The following CCSER1 variants were observed in gnomAD, a reference collection of about 807,000 sequenced individuals.
The protein encoded by CCSER1 is coiled-coil serine rich protein 1.
Under a neutral mutation model 82.0 loss-of-function variants are expected in CCSER1, and 41 were observed. The ratio of observed to expected loss-of-function variants is 0.50; its 90% CI spans 0.39 to 0.65. CCSER1 has a LOEUF of 0.65. Ranked by LOEUF, CCSER1 falls within the 30% of genes least tolerant of loss-of-function variation. The pLI is 0.00. For missense variants in CCSER1, 1,119 were observed against 1,064.2 expected (o/e 1.05, Z -0.72); for synonymous variants, 414 against 383.9 (o/e 1.08, Z -0.92).
chr4:91,194,877 AG>A (rs1735282848), intron 10 of CCSER1, among the ~76,000 whole-genome samples: 1 of 152,196 alleles, frequency 6.6e-6, no homozygotes, highest in East Asian at 1.9e-4. Flanking sequence ...TCTTTAACAG[AG>A]GAAAATCTTT....
At chr4:90,303,200 G>A (rs190827405) in intron 1 of CCSER1, among the ~76,000 whole-genome samples, 3 of 152,270 alleles carry the variant, frequency 2.0e-5, no homozygotes, top group African/African-American at 7.2e-5. Context: ...TAGATTATTT[G>A]TGCCCAGTGG....
At position 90,542,168 on chromosome 4, in the gene CCSER1, T is replaced by A. The variant is rs557383146; in HGVS notation, c.1724+73814T>A. Among the ~76,000 whole-genome samples, 10 of 152,128 alleles carry A rather than the reference T, an allele frequency of 6.6e-5. No homozygotes were observed. In the East Asian group the frequency reaches 1.7e-3, roughly 26 times the overall value. ...AAATTCAGATTAAAAAGCAAAAAAA[T>A]TTAAAAGCCTTTTGATGGGGAGTAC... On this transcript the variant is annotated intron_variant, in intron 5 of 10. Coordinates refer to ENST00000509176, the MANE Select transcript of CCSER1 (RefSeq NM_001145065.2).
At chr4:90,172,764 A>T (rs1406265696) in intron 1 of CCSER1, among the ~76,000 whole-genome samples, 1 of 151,870 alleles carries the variant, frequency 6.6e-6, no homozygotes, top group African/African-American at 2.4e-5. Context: ...CTTGAAAGTC[A>T]TGCGTACTAG....
intron 9 of CCSER1, among the ~76,000 whole-genome samples, chr4:90,995,754 AC>A (rs1737439215): frequency 6.6e-6 from 1 of 152,084 alleles, no homozygotes; most frequent in South Asian, 2.1e-4. Context: ...CCAAATTAAA[AC>A]TATATGCTTT....
chr4:90,310,917 C>T (rs914232321), intron 2 of CCSER1, among the ~76,000 whole-genome samples: 4 of 152,004 alleles, frequency 2.6e-5, no homozygotes, highest in African/African-American at 4.8e-5. Flanking sequence ...CTTTTATGCA[C>T]GTGACCATGT....
Position 91,536,518 on chromosome 4 carries a change from C to T in CCSER1, c.2218-62054C>T, listed in dbSNP as rs557822643. Among the ~76,000 whole-genome samples, 12 of 152,140 alleles carry T rather than the reference C, an allele frequency of 7.9e-5. No individual in the cohort carries two copies. The South Asian group carries it at 1.2e-3, about 16-fold the overall frequency. On this transcript the variant is annotated intron_variant, in intron 10 of 10. Coordinates refer to ENST00000509176, the MANE Select transcript of CCSER1 (RefSeq NM_001145065.2). ...AATTATATTGACTGATAAATGAACT[C>T]CCTTCCCCTCCAACTTCTAATTGAT...
chr4:90,695,160 C>T (rs1045656043), intron 6 of CCSER1, among the ~76,000 whole-genome samples: 1 of 150,964 alleles, frequency 6.6e-6, no homozygotes, highest in Admixed American at 6.6e-5. Flanking sequence ...CATGGAAAAA[C>T]AAATTAAAAT....
intron 10 of CCSER1, among the ~76,000 whole-genome samples, chr4:91,196,970 A>T (rs1735490082): frequency 6.6e-6 from 1 of 152,230 alleles, no homozygotes; most frequent in Non-Finnish European, 1.5e-5. Flanking sequence ...CAAAAGAGAA[A>T]TCTACTCCTA....
At chr4:90,420,481 A>G (rs892255895) in intron 4 of CCSER1, among the ~76,000 whole-genome samples, 2 of 152,078 alleles carry the variant, frequency 1.3e-5, no homozygotes, top group Non-Finnish European at 2.9e-5. Flanking sequence ...GACTAGCTCC[A>G]TGTAGTAAGA....
Position 90,309,046 on chromosome 4 carries a change from T to C in CCSER1, c.762T>C (p.Ala254=). 6.2e-7 allele frequency: 1 copy of C among 1,613,834 alleles called. No individual in the cohort carries two copies. The highest frequency in any genetic ancestry group is 8.5e-7 in the Non-Finnish European group (1 of 1,179,842). The change falls in exon 2 of 11, where the codon GCT becomes GCC. Residue 254 remains alanine, a synonymous_variant. Transcript: ENST00000509176. ...SPLLSADLTT[A]QTPSEFLALT... is the part of the protein sequence containing the mutation. ...TGCTTTCTGCTGATCTTACCACAGC[T>C]CAGACACCTTCAGAATTTTTAGCCT...
chr4:90,762,152 G>A (rs1333981454), intron 7 of CCSER1, among the ~76,000 whole-genome samples: 2 of 152,122 alleles, frequency 1.3e-5, no homozygotes, highest in Non-Finnish European at 2.9e-5. Flanking sequence ...CCCGACAGGA[G>A]GTAATTGAAT....
chr4:90,319,711 C>T (rs995233178), intron 3 of CCSER1, among the ~76,000 whole-genome samples: 14 of 152,114 alleles, frequency 9.2e-5, no homozygotes, highest in African/African-American at 3.1e-4. Flanking sequence ...TCTTGAAATC[C>T]TTAATGAGAC....
intron 3 of CCSER1, among the ~76,000 whole-genome samples, chr4:90,388,532 A>G (rs1442510810): frequency 6.6e-6 from 1 of 151,174 alleles, no homozygotes; most frequent in Non-Finnish European, 1.5e-5. Context: ...CTGGTCTTGA[A>G]CTCCTGACCT....
intron 10 of CCSER1, among the ~76,000 whole-genome samples, chr4:91,254,400 A>G (rs1740512713): frequency 6.6e-6 from 1 of 152,216 alleles, no homozygotes; most frequent in Non-Finnish European, 1.5e-5. Flanking sequence ...GTGCTTCAGC[A>G]TGGATCAATC....
intron 1 of CCSER1, among the ~76,000 whole-genome samples, chr4:90,294,087 A>T (rs1731416097): frequency 6.6e-6 from 1 of 152,112 alleles, no homozygotes; most frequent in Non-Finnish European, 1.5e-5. Flanking sequence ...AAGAGGCAGG[A>T]AATAGCTTGC....
chr4:91,442,461 A>G (rs888890456), intron 10 of CCSER1, among the ~76,000 whole-genome samples: 3 of 140,110 alleles, frequency 2.1e-5, no homozygotes, highest in African/African-American at 7.9e-5. Context: ...CACCTTATAC[A>G]AAAATTAATT....
chr4:90,846,702 A>G (rs1486597680), intron 8 of CCSER1, among the ~76,000 whole-genome samples: 1 of 150,710 alleles, frequency 6.6e-6, no homozygotes, highest in Non-Finnish European at 1.5e-5. Context: ...GTACCCATTA[A>G]CCAACCCGTC....
At chr4:90,664,736 A>T (rs1450616807) in intron 6 of CCSER1, among the ~76,000 whole-genome samples, 1 of 152,110 alleles carries the variant, frequency 6.6e-6, no homozygotes, top group Non-Finnish European at 1.5e-5. Flanking sequence ...CCCCATCTCT[A>T]CTAAAAACAC....
At chr4:90,181,685 A>AT (rs1560755233) in intron 1 of CCSER1, among the ~76,000 whole-genome samples, 1 of 152,164 alleles carries the variant, frequency 6.6e-6, no homozygotes, top group African/African-American at 2.4e-5. Flanking sequence ...CAACTTTTTG[A>AT]TTAAAAAATT....
Sources: gnomAD v4.1 joint callset for allele counts (sites outside exome capture counted in the v4.1 genomes callset) on GRCh38, gnomAD v4.1.1 for gene constraint, MANE v1.5 for transcripts, NCBI Gene and HGNC (gene_info 2026-07-23, HGNC 2026-07-21) for gene names.